Variants in SMARCA2 observed in about 807,000 individuals in gnomAD.
The protein encoded by SMARCA2 is SWI/SNF-related matrix-associated actin-dependent regulator of chromatin subfamily A member 2.
A neutral mutation model predicts 199.8 loss-of-function variants in SMARCA2; 61 were observed. That is an observed-to-expected ratio of 0.31 (90% CI 0.25 to 0.38). The LOEUF (loss-of-function observed/expected upper bound fraction) is 0.38. Ranked by LOEUF, SMARCA2 falls within the 10% of genes least tolerant of loss-of-function variation. The pLI, the probability that SMARCA2 is intolerant of heterozygous loss-of-function variation, is 1.00. For missense variants in SMARCA2, 1,344 were observed against 2,012.2 expected (o/e 0.67, Z 6.35); for synonymous variants, 935 against 732.0 (o/e 1.28, Z -4.48).
Position 2,179,240 on chromosome 9 carries a change from T to C in SMARCA2, c.4254-2331T>C, listed in dbSNP as rs558073150. Reference sequence around the variant, plus strand: ...GTGTGTTGGTGGTACCAGTTGGGTTTTTAGAGAATGAGGACATATCCTGGA... The same window carrying C: ...GTGTGTTGGTGGTACCAGTTGGGTTCTTAGAGAATGAGGACATATCCTGGA... On this transcript the variant is annotated intron_variant, in intron 29 of 33. Transcript: ENST00000349721. Among the ~76,000 whole-genome samples, 141 of 152,268 alleles carry C rather than the reference T, an allele frequency of 9.3e-4. 1 individual carries two copies. The highest frequency in any genetic ancestry group is 1.8e-3 in the Non-Finnish European group (120 of 68,022).
chr9:2,105,786 T>C (rs1175234754), intron 23 of SMARCA2, among the ~76,000 whole-genome samples: 1 of 152,206 alleles, frequency 6.6e-6, no homozygotes, highest in East Asian at 1.9e-4. Context: ...GCTGTGGGGT[T>C]GTGGGGCTGT....
chr9:2,038,728 C>T (rs749019223), intron 3 of SMARCA2, among the ~76,000 whole-genome samples: 8 of 152,118 alleles, frequency 5.3e-5, no homozygotes, highest in Non-Finnish European at 7.4e-5. Flanking sequence ...TTAGTGTCCC[C>T]TTACCTTCCC....
chr9:2,083,760 C>T (rs375450359), intron 16 of SMARCA2, among the ~76,000 whole-genome samples: 4 of 152,244 alleles, frequency 2.6e-5, no homozygotes, highest in Non-Finnish European at 4.4e-5. Flanking sequence ...CCCGGATGCC[C>T]GGGGCTGCCT....
At chr9:2,133,902 A>C (rs74646474) in intron 27 of SMARCA2, among the ~76,000 whole-genome samples, 1 of 152,144 alleles carries the variant, frequency 6.6e-6, no homozygotes, top group Non-Finnish European at 1.5e-5. Context: ...ATGAACCAAG[A>C]GGTTCAGATT....
chr9:2,069,700 CAT>C (rs1485761068), intron 9 of SMARCA2, among the ~76,000 whole-genome samples: 2 of 152,144 alleles, frequency 1.3e-5, no homozygotes, highest in Non-Finnish European at 2.9e-5. Context: ...CCAGGGAACT[CAT>C]AAAGTTTTAT....
chr9:2,149,076 C>A, intron 27 of SMARCA2, among the ~76,000 whole-genome samples: 1 of 151,078 alleles, frequency 6.6e-6, no homozygotes, highest in African/African-American at 2.4e-5. Flanking sequence ...TTTCACACTG[C>A]TGATAAAGAC....
At chr9:2,040,212 G>T (rs1819546444) in intron 4 of SMARCA2, 1 of 567,206 alleles carries the variant, frequency 1.8e-6, no homozygotes, top group South Asian at 2.5e-5. Context: ...CACACACAAG[G>T]TTAAGAACCT....
At chr9:2,132,862 G>A (rs547862111) in intron 27 of SMARCA2, among the ~76,000 whole-genome samples, 15 of 152,138 alleles carry the variant, frequency 9.9e-5, no homozygotes, top group African/African-American at 3.1e-4. Flanking sequence ...ATTTTTTTCT[G>A]AAATCCAGTG....
At chr9:2,136,903 G>A (rs768511277) in intron 27 of SMARCA2, among the ~76,000 whole-genome samples, 31 of 152,102 alleles carry the variant, frequency 2.0e-4, no homozygotes, top group Non-Finnish European at 2.8e-4. Flanking sequence ...CATTCCTCTG[G>A]ATGTTATTTG....
intron 26 of SMARCA2, among the ~76,000 whole-genome samples, chr9:2,121,063 GCTAAAGCCGCAGATA>G (rs1823438760): frequency 6.6e-6 from 1 of 152,182 alleles, no homozygotes; most frequent in Admixed American, 6.5e-5. Context: ...ATTCAGCACT[GCTAAAGCCGCAGATA>G]CTCTCAAGAC....
In SMARCA2 at chr9:2,058,281, G is replaced by A. The variant is rs117225233; in HGVS notation, c.1348-10G>A. 8.1e-6 allele frequency: 13 copies of A among 1,610,246 alleles called. No homozygotes were observed. In the East Asian group the frequency reaches 2.9e-4, roughly 36 times the overall value. On this transcript the variant is annotated splice_polypyrimidine_tract_variant and intron_variant, in intron 7 of 33. Transcript: ENST00000349721. Reference sequence around the variant, plus strand: ...TAAGTATCCTTTTCTTCCCTTTTTGGATCTTCTAGGAATACCTGAACAGTA... The same window carrying A: ...TAAGTATCCTTTTCTTCCCTTTTTGAATCTTCTAGGAATACCTGAACAGTA...
At chr9:2,159,835 C>A (rs766308479) in intron 27 of SMARCA2, 5 of 1,611,886 alleles carry the variant, frequency 3.1e-6, no homozygotes, top group East Asian at 2.2e-5. Context: ...ACTAGCAGCT[C>A]GCTGCTTTGC....
Position 2,086,443 on chromosome 9 carries a change from C to G in SMARCA2, c.2527-386C>G, listed in dbSNP as rs933835524. Among the ~76,000 whole-genome samples, 3 of 152,166 alleles carry G rather than the reference C, an allele frequency of 2.0e-5. No individual in the cohort carries two copies. Among genetic ancestry groups the G allele is most frequent in the Non-Finnish European group, 4.4e-5 (3 of 68,036 alleles). On this transcript the variant is annotated intron_variant, in intron 17 of 33. Coordinates refer to ENST00000349721, the MANE Select transcript of SMARCA2 (RefSeq NM_003070.5). This position sits in a 1 kb window ranked among gnomAD's most constrained non-coding sequence, Gnocchi z 4.3. ...GTGGGTACCTATATTCTGTGCCTGTCATGAGCTGAAATAGCATGACCATGA... is the reference window on the plus strand; with the variant it reads ...GTGGGTACCTATATTCTGTGCCTGTGATGAGCTGAAATAGCATGACCATGA...
At position 2,170,261 on chromosome 9, in the gene SMARCA2, G is replaced by A. The variant is rs185055314; in HGVS notation, c.4200-158G>A. ...TTTTAGAGAACTATGTTATTTTTCC[G>A]AATGAGGTTCCAAACATAACCCCGT... is the stretch of plus-strand genomic sequence containing the variant. On this transcript the variant is annotated intron_variant, in intron 28 of 33. Transcript: ENST00000349721. This position sits in a 1 kb window ranked among gnomAD's most constrained non-coding sequence, Gnocchi z 4.7. Among the ~76,000 whole-genome samples the A allele has an allele frequency of 1.5e-4, 23 of 152,252 alleles. No homozygotes were observed. Among genetic ancestry groups the A allele is most frequent in the East Asian group, 5.8e-4 (3 of 5,170 alleles).
At chr9:2,165,905 A>T (rs1157077346) in intron 28 of SMARCA2, among the ~76,000 whole-genome samples, 1 of 152,194 alleles carries the variant, frequency 6.6e-6, no homozygotes, top group Non-Finnish European at 1.5e-5. Context: ...CCACAATACA[A>T]GTAAGTCCCC....
chr9:2,046,992 C>T (rs567327478), intron 4 of SMARCA2, among the ~76,000 whole-genome samples: 15 of 151,830 alleles, frequency 9.9e-5, no homozygotes, highest in African/African-American at 3.4e-4. Flanking sequence ...TTTTTTCTTT[C>T]TGTGTCTTTT....
chr9:2,030,432 G>C (rs1819012279), intron 2 of SMARCA2, among the ~76,000 whole-genome samples: 1 of 151,900 alleles, frequency 6.6e-6, no homozygotes, highest in Admixed American at 6.5e-5. Context: ...GTGAGTTCCA[G>C]TCTGAGTCCA....
chr9:2,115,529 T>C lies in SMARCA2; in HGVS notation c.3457-293T>C, dbSNP rs1469999204. Among the ~76,000 whole-genome samples, 2 of 152,208 alleles carry C rather than the reference T, an allele frequency of 1.3e-5. No homozygotes were observed. Among genetic ancestry groups the C allele is most frequent in the Non-Finnish European group, 2.9e-5 (2 of 68,032 alleles). On this transcript the variant is annotated intron_variant, in intron 24 of 33. Coordinates refer to ENST00000349721, the MANE Select transcript of SMARCA2 (RefSeq NM_003070.5). The surrounding 1 kb of genome is among the most constrained non-coding windows in gnomAD (Gnocchi z 6.0). ...GGTGTCTTGTTTAATGTTTTAGATA[T>C]GGACTAAATCTGATGGGGAACCTAG...
chr9:2,034,641 A>G (rs1270647693), intron 3 of SMARCA2, among the ~76,000 whole-genome samples: 1 of 152,236 alleles, frequency 6.6e-6, no homozygotes, highest in Non-Finnish European at 1.5e-5. Context: ...ATGATCAGCT[A>G]TCCATCCACT....
Sources: gnomAD v4.1 joint callset for allele counts (sites outside exome capture counted in the v4.1 genomes callset) on GRCh38, gnomAD v4.1.1 for gene constraint, Gnocchi (gnomAD v3.1) non-coding constraint, MANE v1.5 for transcripts, NCBI Gene and HGNC (gene_info 2026-07-23, HGNC 2026-07-21) for gene names.